FSHR: variants seen among roughly 807,000 people sequenced by gnomAD.
FSHR encodes the protein follicle stimulating hormone receptor.
In FSHR, 46 loss-of-function variants were observed where a neutral mutation model predicts 52.1. The ratio of observed to expected loss-of-function variants is 0.88; its 90% CI spans 0.70 to 1.13. The LOEUF (loss-of-function observed/expected upper bound fraction) is 1.13. Among genes scored for constraint, FSHR ranks in the 50% most tolerant of loss-of-function variants. FSHR has a pLI of 0.00. For synonymous variants in FSHR, 399 were observed against 309.6 expected, an observed-to-expected ratio of 1.29 and a Z score of -3.03; for missense variants, 964 against 834.6, an observed-to-expected ratio of 1.16 and a Z score of -1.91.
intron 2 of FSHR, among the ~76,000 whole-genome samples, chr2:49,045,826 C>G (rs1235500877): frequency 6.6e-6 from 1 of 152,196 alleles, no homozygotes; most frequent in Non-Finnish European, 1.5e-5. Flanking sequence ...TGAGCAAAAA[C>G]ATGTGCATAT....
At chr2:49,059,725 A>C (rs1227738282) in intron 2 of FSHR, 1 of 152,276 alleles carries the variant, frequency 6.6e-6, no homozygotes, top group Non-Finnish European at 1.5e-5. Context: ...AACATGGATC[A>C]AATTCCTAAA....
At chr2:49,049,378 G>A (rs17038163) in intron 2 of FSHR, among the ~76,000 whole-genome samples, 2,510 of 152,222 alleles carry the variant, frequency 0.016, 55 homozygotes, top group African/African-American at 0.052. Context: ...AGAAGATTGC[G>A]TTTGATAGCA....
intron 2 of FSHR, among the ~76,000 whole-genome samples, chr2:49,051,438 T>C (rs1668851894): frequency 6.6e-6 from 1 of 152,180 alleles, no homozygotes; most frequent in Non-Finnish European, 1.5e-5. Context: ...TAATGACTAA[T>C]GATGAGCATC....
chr2:49,128,919 G>A (rs1672162345), intron 1 of FSHR, among the ~76,000 whole-genome samples: 1 of 152,028 alleles, frequency 6.6e-6, no homozygotes, highest in South Asian at 2.1e-4. Flanking sequence ...GTAGAAAACA[G>A]ATTTTAGAAA....
intron 1 of FSHR, among the ~76,000 whole-genome samples, chr2:49,089,415 C>G (rs925896451): frequency 1.3e-5 from 2 of 152,064 alleles, no homozygotes; most frequent in Non-Finnish European, 1.5e-5. Context: ...TAGAACAGAG[C>G]AAGTCCTGAA....
intron 1 of FSHR, among the ~76,000 whole-genome samples, chr2:49,106,541 C>T (rs920515745): frequency 4.6e-5 from 7 of 152,036 alleles, no homozygotes; most frequent in Non-Finnish European, 7.4e-5. Context: ...ATCAATTAAG[C>T]GAGAAGAAAG....
chr2:49,000,855 C>T (rs1250065449), intron 4 of FSHR, among the ~76,000 whole-genome samples: 2 of 152,026 alleles, frequency 1.3e-5, no homozygotes, highest in African/African-American at 4.8e-5. Context: ...GCTAAAGTGG[C>T]AGTAGACCAG....
intron 2 of FSHR, among the ~76,000 whole-genome samples, chr2:49,038,007 A>G (rs1668332097): frequency 6.6e-6 from 1 of 152,222 alleles, no homozygotes; most frequent in African/African-American, 2.4e-5. Context: ...GAGAGGAAAG[A>G]CAAATTACTA....
chr2:49,072,304 T>C (rs753967539), intron 1 of FSHR, among the ~76,000 whole-genome samples: 2 of 152,282 alleles, frequency 1.3e-5, no homozygotes, highest in African/African-American at 2.4e-5. Flanking sequence ...ATCGCAATTA[T>C]AATTAGGAAT....
chr2:49,111,593 T>A (rs1671423397), intron 1 of FSHR, among the ~76,000 whole-genome samples: 1 of 152,134 alleles, frequency 6.6e-6, no homozygotes, highest in Non-Finnish European at 1.5e-5. Context: ...GTCTGAACAG[T>A]CTGCACAGTG....
intron 2 of FSHR, among the ~76,000 whole-genome samples, chr2:49,050,257 C>T (rs532109357): frequency 1.3e-5 from 2 of 152,276 alleles, no homozygotes; most frequent in African/African-American, 2.4e-5. Context: ...ACAGCAAGCT[C>T]AGTTTGCAAA....
At chr2:48,990,780 G>T in intron 4 of FSHR, 143 bp from the exon 5 acceptor site, 2 of 666,600 alleles carry the variant, frequency 3.0e-6, no homozygotes, top group Non-Finnish European at 5.4e-6. Flanking sequence ...CGTGAATTAG[G>T]CTCATGTTTT....
At chr2:49,096,335 T>C (rs1670820975) in intron 1 of FSHR, among the ~76,000 whole-genome samples, 1 of 152,216 alleles carries the variant, frequency 6.6e-6, no homozygotes, top group Non-Finnish European at 1.5e-5. Context: ...GAAGACATTA[T>C]GCTAAGTGAA....
chr2:48,962,808 G>T lies in FSHR; in HGVS notation c.2013C>A (p.His671Gln), dbSNP rs769877026. ...TGGTGACTCTGGGAGCTGAAGAGCA[G>T]TGGCCATTCCTTGGATGGGTGTTGT... ...TVHNTHPRNG[H>Q]CSSAPRVTSG... Residue 671 changes from histidine (H) to glutamine (Q), a missense_variant, in exon 10 of 10, where the codon CAC (histidine) becomes CAA (glutamine). Coordinates refer to ENST00000406846, the MANE Select transcript of FSHR (RefSeq NM_000145.4). 7.4e-6 allele frequency: 12 copies of T among 1,614,064 alleles called. No homozygotes were observed. In the African/African-American group the frequency reaches 9.3e-5, roughly 13 times the overall value.
chr2:49,123,059 G>T (rs1166661457), intron 1 of FSHR, among the ~76,000 whole-genome samples: 1 of 151,198 alleles, frequency 6.6e-6, no homozygotes, highest in Non-Finnish European at 1.5e-5. Context: ...CCACATTTTG[G>T]TTTGAGATGA....
chr2:49,064,977 A>G (rs1669449550), intron 2 of FSHR, among the ~76,000 whole-genome samples: 1 of 152,102 alleles, frequency 6.6e-6, no homozygotes, highest in Non-Finnish European at 1.5e-5. Context: ...GTGTGAAAGT[A>G]TATTTTGTTC....
intron 1 of FSHR, among the ~76,000 whole-genome samples, chr2:49,093,796 C>T (rs888258978): frequency 3.3e-5 from 5 of 151,958 alleles, no homozygotes; most frequent in African/African-American, 1.2e-4. Flanking sequence ...CGAGTTTCAC[C>T]ATGTTGGCCA....
chr2:49,152,119 T>C (rs1673084191), intron 1 of FSHR, among the ~76,000 whole-genome samples: 1 of 152,146 alleles, frequency 6.6e-6, no homozygotes, highest in African/African-American at 2.4e-5. Flanking sequence ...CTCTTAACTA[T>C]ACTCATTCCT....
intron 4 of FSHR, among the ~76,000 whole-genome samples, chr2:49,008,387 T>G: frequency 6.7e-6 from 1 of 149,622 alleles, no homozygotes; most frequent in Non-Finnish European, 1.5e-5. Flanking sequence ...TAGCATTCCA[T>G]GGTGTATATG....
Sources: gnomAD v4.1 joint callset for allele counts (sites outside exome capture counted in the v4.1 genomes callset) on GRCh38, gnomAD v4.1.1 for gene constraint, MANE v1.5 for transcripts, NCBI Gene and HGNC (gene_info 2026-07-23, HGNC 2026-07-21) for gene names.